Variants in ACCSL observed in about 807,000 individuals in gnomAD.
The protein encoded by ACCSL is probable inactive 1-aminocyclopropane-1-carboxylate synthase-like protein 2.
A neutral mutation model predicts 61.7 loss-of-function variants in ACCSL; 55 were observed. The observed-to-expected ratio is 0.89, with a 90% CI of 0.72 to 1.12. The LOEUF (loss-of-function observed/expected upper bound fraction) is 1.12, where lower values mean the gene tolerates loss of function less well. Among genes scored for constraint, ACCSL ranks in the 50% most tolerant of loss-of-function variants. The pLI, the probability that ACCSL is intolerant of heterozygous loss-of-function variation, is 0.00. For missense variants in ACCSL, 632 were observed against 698.0 expected, an observed-to-expected ratio of 0.91 and a Z score of 1.07; for synonymous variants, 258 against 264.3, an observed-to-expected ratio of 0.98 and a Z score of 0.23.
At chr11:43,984,989 C>A in the ACCSL span, among the ~76,000 whole-genome samples, 69,140 of 152,040 alleles carry the variant, frequency 0.45, 15,856 homozygotes, top group Middle Eastern at 0.48. Context: ...TTTAGATCCT[C>A]CTGGGTAGAG....
chr11:44,000,045 A>G, the ACCSL span, among the ~76,000 whole-genome samples: 28 of 152,180 alleles, frequency 1.8e-4, no homozygotes, highest in Non-Finnish European at 2.9e-4. Flanking sequence ...TTGGAAGGCC[A>G]AGCGGGGGCG....
the ACCSL span, among the ~76,000 whole-genome samples, chr11:44,041,695 T>C: frequency 1.3e-5 from 2 of 152,252 alleles, no homozygotes; most frequent in Non-Finnish European, 2.9e-5. Flanking sequence ...CTTTTCTGAC[T>C]CAAATTTCTT....
At chr11:44,034,337 T>C in the ACCSL span, among the ~76,000 whole-genome samples, 1 of 152,210 alleles carries the variant, frequency 6.6e-6, no homozygotes, top group Non-Finnish European at 1.5e-5. Context: ...GGCCCCTGGC[T>C]GAGCATATTG....
intron 8 of ACCSL, 144 bp from the exon 9 acceptor site, chr11:44,055,058 G>C: frequency 1.8e-6 from 1 of 567,978 alleles, no homozygotes; most frequent in South Asian, 2.9e-5. Flanking sequence ...TGGGCTGCTG[G>C]GGCAGTAGGA....
chr11:44,027,656 G>A, the ACCSL span, among the ~76,000 whole-genome samples: 1 of 152,168 alleles, frequency 6.6e-6, no homozygotes, highest in African/African-American at 2.4e-5. Context: ...GCATACAACT[G>A]GTTAAATGGT....
At chr11:43,952,002 G>C in the ACCSL span, among the ~76,000 whole-genome samples, 1 of 147,642 alleles carries the variant, frequency 6.8e-6, no homozygotes, top group Admixed American at 6.7e-5. Context: ...GTCAGCTTCA[G>C]AAAAAGAAAA....
At chr11:44,009,060 C>T in the ACCSL span, among the ~76,000 whole-genome samples, 14 of 151,920 alleles carry the variant, frequency 9.2e-5, no homozygotes, top group Admixed American at 2.6e-4. Context: ...CCCAGCTACC[C>T]GGGACGCTGA....
the ACCSL span, among the ~76,000 whole-genome samples, chr11:44,017,460 T>G: frequency 2.0e-5 from 3 of 152,198 alleles, no homozygotes; most frequent in African/African-American, 7.2e-5. Flanking sequence ...CATAGAGGAA[T>G]GATGTCTGCC....
chr11:43,961,658 C>T, the ACCSL span, among the ~76,000 whole-genome samples: 1 of 152,078 alleles, frequency 6.6e-6, no homozygotes, highest in South Asian at 2.1e-4. Context: ...CTTTCTACCA[C>T]ATGAGAAAGA....
the ACCSL span, chr11:43,943,985 G>T: frequency 1.5e-6 from 1 of 669,388 alleles, no homozygotes; most frequent in Non-Finnish European, 2.1e-6. The surrounding 1 kb of genome is among the most constrained non-coding windows in gnomAD (Gnocchi z 4.8). Context: ...CAGGGAGCCG[G>T]GAGTGGAGCT....
chr11:43,934,183 T>C, the ACCSL span, among the ~76,000 whole-genome samples: 2 of 152,112 alleles, frequency 1.3e-5, no homozygotes, highest in Non-Finnish European at 2.9e-5. Flanking sequence ...TTGCCTGGGA[T>C]TGTCATGGCA....
the ACCSL span, among the ~76,000 whole-genome samples, chr11:43,967,313 G>A: frequency 6.6e-6 from 1 of 151,538 alleles, no homozygotes; most frequent in African/African-American, 2.4e-5. Context: ...GAGTAGCTGG[G>A]ATTACAGGCA....
At chr11:44,043,947 A>G (rs562207553), upstream of ACCSL, among the ~76,000 whole-genome samples, 2 of 152,298 alleles carry the variant, frequency 1.3e-5, no homozygotes, top group African/African-American at 4.8e-5. Flanking sequence ...ATCTACTCCC[A>G]ATAGCTGGAG....
chr11:44,056,692 C>T (rs1462770370), intron 11 of ACCSL, among the ~76,000 whole-genome samples: 1 of 152,192 alleles, frequency 6.6e-6, no homozygotes, highest in East Asian at 1.9e-4. Flanking sequence ...ATTAGCCAGG[C>T]ATGCTGGCAA....
chr11:44,002,886 A>G, the ACCSL span, among the ~76,000 whole-genome samples: 1 of 152,158 alleles, frequency 6.6e-6, no homozygotes, highest in Non-Finnish European at 1.5e-5. Flanking sequence ...GAATGGCTGC[A>G]TGGCCTTGTC....
the ACCSL span, chr11:43,942,502 C>A: frequency 4.4e-6 from 1 of 228,132 alleles, no homozygotes; most frequent in Middle Eastern, 1.6e-3. Flanking sequence ...CCGTTACTTT[C>A]CCAGAGCGGC....
the ACCSL span, among the ~76,000 whole-genome samples, chr11:43,988,904 G>A: frequency 6.7e-6 from 1 of 149,946 alleles, no homozygotes; most frequent in Non-Finnish European, 1.5e-5. Flanking sequence ...TAGAGTAGCT[G>A]GGACTATAGG....
the ACCSL span, among the ~76,000 whole-genome samples, chr11:43,991,409 C>T: frequency 1.3e-5 from 2 of 152,228 alleles, no homozygotes; most frequent in Non-Finnish European, 2.9e-5. Flanking sequence ...AGAATGAGAA[C>T]AGTGAGGATG....
At chr11:43,955,094 ATTTC>A in the ACCSL span, among the ~76,000 whole-genome samples, 1 of 152,176 alleles carries the variant, frequency 6.6e-6, no homozygotes, top group Non-Finnish European at 1.5e-5. Flanking sequence ...TGCCTAAATA[ATTTC>A]TTTCTGTCTC....
Sources: gnomAD v4.1 joint callset for allele counts (sites outside exome capture counted in the v4.1 genomes callset) on GRCh38, gnomAD v4.1.1 for gene constraint, Gnocchi (gnomAD v3.1) non-coding constraint, MANE v1.5 for transcripts, NCBI Gene and HGNC (gene_info 2026-07-23, HGNC 2026-07-21) for gene names.